SMAD7: variants seen among roughly 807,000 people sequenced by gnomAD.
SMAD7 encodes the protein SMAD family member 7, also known as MAD (mothers against decapentaplegic, Drosophila) homolog 7.
SMAD7 carries 8 observed loss-of-function variants against 38.7 expected under a neutral mutation model. That is an observed-to-expected ratio of 0.21 (90% CI 0.12 to 0.37). The LOEUF is 0.37. SMAD7 is among the 10% of genes least tolerant of loss of function. The pLI is 1.00. For synonymous variants in SMAD7, 327 were observed against 265.1 expected (o/e 1.23, Z -2.27); for missense variants, 477 against 577.9 (o/e 0.83, Z 1.79).
intron 3 of SMAD7, among the ~76,000 whole-genome samples, chr18:48,930,587 A>T (rs2143775576): frequency 6.6e-6 from 1 of 152,116 alleles, no homozygotes; most frequent in South Asian, 2.1e-4. Flanking sequence ...GCAGCAGCCC[A>T]GCACTGCCCC....
At chr18:48,934,557 A>G (rs2070041358) in intron 3 of SMAD7, among the ~76,000 whole-genome samples, 2 of 152,186 alleles carry the variant, frequency 1.3e-5, no homozygotes, top group African/African-American at 4.8e-5. Context: ...ATTAGCTTCC[A>G]GCCAAGAGCT....
At chr18:48,944,471 A>T (rs567148658) in intron 2 of SMAD7, among the ~76,000 whole-genome samples, 12 of 152,290 alleles carry the variant, frequency 7.9e-5, no homozygotes, top group African/African-American at 2.9e-4. Flanking sequence ...CTCAAGAGGG[A>T]TTTACAAACG....
intron 3 of SMAD7, among the ~76,000 whole-genome samples, chr18:48,940,969 G>A (rs1028856077): frequency 2.0e-5 from 3 of 152,100 alleles, no homozygotes; most frequent in Non-Finnish European, 2.9e-5. Context: ...CAAACCTTCC[G>A]AAAGGACCCT....
intron 3 of SMAD7, among the ~76,000 whole-genome samples, chr18:48,925,609 A>G (rs932142655): frequency 1.3e-5 from 2 of 152,202 alleles, no homozygotes; most frequent in African/African-American, 4.8e-5. Flanking sequence ...TACCCTGCTC[A>G]TGAATGAACA....
chr18:48,925,815 C>T lies in SMAD7; in HGVS notation c.743-3905G>A, dbSNP rs2069920716. 3.3e-5 allele frequency among the ~76,000 whole-genome samples: 5 copies of T among 151,958 alleles called. No homozygotes were observed. The South Asian group carries it at 6.2e-4, about 19-fold the overall frequency. On this transcript the variant is annotated intron_variant, in intron 3 of 3. Coordinates refer to ENST00000262158, the MANE Select transcript of SMAD7 (RefSeq NM_005904.4). ...AGGCTGGAGTGCAGTGGCACAATCT[C>T]GGCTCACTGCAAGCTCCGCCTCCCG...
At position 48,948,425 on chromosome 18, in the gene SMAD7, G is replaced by C; in HGVS notation, c.626C>G (p.Pro209Arg). Reference protein sequence around the residue: ...SRLCELESPPPPYSRYPMDFL... With the variant: ...SRLCELESPPRPYSRYPMDFL... ...ATCCATCGGGTATCTGGAGTAAGGA[G>C]GGGGGGGAGACTCTGAAATTAAAAA... Residue 209 changes from proline to arginine, a missense_variant, in exon 2 of 4, where the codon CCT becomes CGT. Around this residue, in one of 2 missense-constraint regions of SMAD7, gnomAD observed 376 missense variants for 379.4 expected, o/e 0.99. Coordinates refer to ENST00000262158, the MANE Select transcript of SMAD7 (RefSeq NM_005904.4). 2 of 1,562,308 alleles carry C rather than the reference G, an allele frequency of 1.3e-6. No individual in the cohort carries two copies. Among genetic ancestry groups the C allele is most frequent in the Non-Finnish European group, 8.7e-7 (1 of 1,146,460 alleles).
Position 48,931,483 on chromosome 18 carries a change from G to T in SMAD7, c.743-9573C>A, listed in dbSNP as rs117858386. ...CCCCCTGCAGATGTATACAAATTGT[G>T]GTATAGCATGCATTTTTCTGAACAG... On this transcript the variant is annotated intron_variant, in intron 3 of 3. Transcript: ENST00000262158. Among the ~76,000 whole-genome samples, 8 of 152,250 alleles carry T rather than the reference G, an allele frequency of 5.3e-5. No individual in the cohort carries two copies. The East Asian group carries it at 1.5e-3, about 29-fold the overall frequency.
At chr18:48,930,047 A>T (rs2069978410) in intron 3 of SMAD7, 1 of 152,130 alleles carries the variant, frequency 6.6e-6, no homozygotes, top group Non-Finnish European at 1.5e-5. Context: ...CCAATGCAGG[A>T]TCCGATGGAA....
At chr18:48,922,019 C>A in intron 3 of SMAD7, 109 bp from the exon 4 acceptor site, 2 of 862,498 alleles carry the variant, frequency 2.3e-6, no homozygotes, top group Non-Finnish European at 3.5e-6. Context: ...TCTCTCAGGA[C>A]GAGACAGAAA....
chr18:48,944,091 C>T (rs550001366), intron 2 of SMAD7, among the ~76,000 whole-genome samples: 1 of 152,208 alleles, frequency 6.6e-6, no homozygotes, highest in East Asian at 1.9e-4. Flanking sequence ...AAACAGAAAA[C>T]AATAGAGGCA....
At chr18:48,949,639 C>T (rs1271402111) in intron 1 of SMAD7, among the ~76,000 whole-genome samples, 173 bp downstream of exon 1, 1 of 151,386 alleles carries the variant, frequency 6.6e-6, no homozygotes, top group South Asian at 2.1e-4. Context: ...CTTTCAGCCC[C>T]CAGTCTCTTC....
At chr18:48,926,989 C>T (rs1313752221) in intron 3 of SMAD7, among the ~76,000 whole-genome samples, 1 of 152,172 alleles carries the variant, frequency 6.6e-6, no homozygotes, top group South Asian at 2.1e-4. Flanking sequence ...ATAGGCGAAT[C>T]CCTCCCCCAA....
At chr18:48,942,653 A>G in intron 2 of SMAD7, 98 bp from the exon 3 acceptor site, 1 of 1,596,392 alleles carries the variant, frequency 6.3e-7, no homozygotes, top group South Asian at 1.1e-5. Flanking sequence ...AAGACAAACC[A>G]CACATTCCAA....
chr18:48,927,393 C>T (rs544986449), intron 3 of SMAD7, among the ~76,000 whole-genome samples: 2 of 151,894 alleles, frequency 1.3e-5, no homozygotes, highest in South Asian at 4.2e-4. Flanking sequence ...GCCACAGGGT[C>T]TCCTTCAAAG....
Position 48,950,601 on chromosome 18 carries a change from G to T in SMAD7, c.-177C>A. On this transcript the variant is annotated 5_prime_UTR_variant, in exon 1 of 4. It adds an upstream start codon to the 5' untranslated region. Coordinates refer to ENST00000262158, the MANE Select transcript of SMAD7 (RefSeq NM_005904.4). ...GAGGGGCGCTCCGTGGCATGCGCCA[G>T]TCTCCCGGAGGCCGGGGCGCGCGCG... The T allele has an allele frequency of 2.4e-6, 1 of 416,918 alleles. No individual in the cohort carries two copies. The highest frequency in any genetic ancestry group is 3.8e-6 in the Non-Finnish European group (1 of 260,414). The allele number at this position is 416,918 out of a possible 1,614,324, so 25.8% of individuals were successfully genotyped here.
chr18:48,941,238 G>GC (rs1286601884), intron 3 of SMAD7, among the ~76,000 whole-genome samples: 1 of 152,066 alleles, frequency 6.6e-6, no homozygotes, highest in Non-Finnish European at 1.5e-5. Context: ...ACTGCCTGAA[G>GC]CCCCCTCCCT....
intron 2 of SMAD7, 65 bp downstream of exon 2, chr18:48,948,318 GC>G: frequency 8.5e-7 from 1 of 1,183,294 alleles, no homozygotes; most frequent in South Asian, 1.4e-5. Flanking sequence ...CACACAAAAA[GC>G]CACGTTCTAG....
In SMAD7 at chr18:48,950,098, C is replaced by T; in HGVS notation, c.327G>A (p.Glu109=). 6.8e-7 allele frequency: 1 copy of T among 1,479,476 alleles called. No homozygotes were observed. Among genetic ancestry groups the T allele is most frequent in the Admixed American group, 2.6e-5 (1 of 38,238 alleles). The allele number at this position is 1,479,476 out of a possible 1,614,324, so 91.6% of individuals were successfully genotyped here. ...GGGACTCCACGGCCTGGAGCAGCAG[C>T]TCCAGCTGCCGCTCCTTCAGTTTCT... ...VLKKLKERQL[E]LLLQAVESRG... Residue 109 remains glutamate (E), a synonymous_variant, in exon 1 of 4, where the codon GAG becomes GAA. Transcript: ENST00000262158.
intron 3 of SMAD7, among the ~76,000 whole-genome samples, chr18:48,923,240 C>A (rs1235112226): frequency 2.0e-5 from 3 of 152,180 alleles, no homozygotes; most frequent in Non-Finnish European, 4.4e-5. Context: ...CTGGGGGGCA[C>A]AAAGCAGGGG....
Sources: allele counts gnomAD v4.1 joint callset (sites outside exome capture counted in the v4.1 genomes callset), GRCh38; gene constraint gnomAD v4.1.1; regional missense constraint gnomAD v4.1.1; transcripts MANE v1.5; gene names NCBI Gene and HGNC (gene_info 2026-07-23, HGNC 2026-07-21).